The following TRIO variants were observed in gnomAD, a reference collection of about 807,000 sequenced individuals.
The protein encoded by TRIO is trio Rho guanine nucleotide exchange factor.
TRIO carries 58 observed loss-of-function variants against 351.9 expected under a neutral mutation model. The observed-to-expected ratio is 0.16, with a 90% CI of 0.13 to 0.21. The LOEUF (loss-of-function observed/expected upper bound fraction) is 0.21. TRIO is among the 10% of genes least tolerant of loss of function. The pLI is 1.00. For synonymous variants in TRIO, 1,758 were observed against 1,595.7 expected, an observed-to-expected ratio of 1.10 and a Z score of -2.42; for missense variants, 3,201 against 4,027.8, an observed-to-expected ratio of 0.79 and a Z score of 5.56.
At chr5:14,304,385 A>C in intron 7 of TRIO, 76 bp from the exon 8 acceptor site, 1 of 1,491,626 alleles carries the variant, frequency 6.7e-7, no homozygotes, top group South Asian at 1.3e-5. Context: ...CCTAATTTTC[A>C]AAACCATGTT....
rs768745173 is a variant in TRIO at position 14,366,984 on chromosome 5, G to A, written c.2874+5G>A. On this transcript the variant is annotated splice_donor_5th_base_variant and intron_variant, in intron 16 of 56. Coordinates refer to ENST00000344204, the MANE Select transcript of TRIO (RefSeq NM_007118.4). The stretch of plus-strand genomic sequence containing the variant: ...CAGTTCCAGCATGCCATTGAGGTAA[G>A]GGCGCTGGGCCTGCCTGTGTGTTGG... The A allele has an allele frequency of 2.5e-6, 4 of 1,613,996 alleles. No homozygotes were observed. In the Admixed American group the frequency reaches 6.7e-5, roughly 27 times the overall value.
intron 1 of TRIO, among the ~76,000 whole-genome samples, chr5:14,215,063 A>G (rs1426764919): frequency 1.3e-5 from 2 of 152,190 alleles, no homozygotes; most frequent in Non-Finnish European, 2.9e-5. Context: ...AAAGGAGGCT[A>G]GACTGTCTAG....
chr5:14,311,708 G>A (rs1445181146), intron 8 of TRIO, among the ~76,000 whole-genome samples: 3 of 152,220 alleles, frequency 2.0e-5, no homozygotes, highest in African/African-American at 4.8e-5. Context: ...TTGGAGAGGA[G>A]AGTGAAATCA....
chr5:14,220,799 G>A (rs142512298), intron 1 of TRIO, among the ~76,000 whole-genome samples: 5 of 152,324 alleles, frequency 3.3e-5, no homozygotes, highest in African/African-American at 1.2e-4. Flanking sequence ...GTTAAATCCT[G>A]AGATTGAAGG....
rs946869811 is a variant in TRIO at position 14,254,933 on chromosome 5, T to C, written c.158-15892T>C. 8.5e-5 allele frequency among the ~76,000 whole-genome samples: 13 copies of C among 152,334 alleles called. No homozygotes were observed. The East Asian group carries it at 2.3e-3, about 27-fold the overall frequency. On this transcript the variant is annotated intron_variant, in intron 1 of 56. Transcript: ENST00000344204. The stretch of plus-strand genomic sequence containing the variant: ...GGGAGGAACTATTAGAGGAATTCAG[T>C]TGAGACATAAATAGAAAGGGAAACA...
Position 14,407,894 on chromosome 5 carries a change from A to G in TRIO, c.4959+1222A>G, listed in dbSNP as rs576158680. On this transcript the variant is annotated intron_variant, in intron 33 of 56. Transcript: ENST00000344204. ...TGCCAAGACTAGTGTGTTCTGTTAC[A>G]TTACTAGAATGCTAGACTGAATTCT... Among the ~76,000 whole-genome samples the G allele has an allele frequency of 3.9e-5, 6 of 152,358 alleles. No individual in the cohort carries two copies. The South Asian group carries it at 1.2e-3, about 32-fold the overall frequency.
At chr5:14,309,808 T>C (rs1052142045) in intron 8 of TRIO, among the ~76,000 whole-genome samples, 1 of 152,358 alleles carries the variant, frequency 6.6e-6, no homozygotes, top group Non-Finnish European at 1.5e-5. Context: ...TTGCTTTTTT[T>C]TATTTCCTTT....
At chr5:14,440,649 G>A (rs1316462384) in intron 34 of TRIO, among the ~76,000 whole-genome samples, 1 of 152,162 alleles carries the variant, frequency 6.6e-6, no homozygotes, top group African/African-American at 2.4e-5. Flanking sequence ...AGTGAGGAGC[G>A]GCATTACAGC....
Position 14,480,601 on chromosome 5 carries a change from T to TTTTA in TRIO, c.6336+590_6336+591insTTTA, listed in dbSNP as rs559192246. On this transcript the variant is annotated intron_variant, in intron 43 of 56. Transcript: ENST00000344204. ...GGCAGAGTCACGTGTTTTTCTGTGATAAAAGAGACTTCAAGTGTATTGATA... is the reference window on the plus strand; with the variant it reads ...GGCAGAGTCACGTGTTTTTCTGTGATTTTAAAAAGAGACTTCAAGTGTATTGATA... Among the ~76,000 whole-genome samples the TTTTA allele has an allele frequency of 1.2e-4, 18 of 152,338 alleles. No individual in the cohort carries two copies. In the East Asian group the frequency reaches 3.1e-3, roughly 26 times the overall value.
At chr5:14,364,615 A>G in intron 14 of TRIO, 35 bp from the exon 15 acceptor site, 1 of 1,578,498 alleles carries the variant, frequency 6.3e-7, no homozygotes, top group Middle Eastern at 1.7e-4. Context: ...TTGAAGTGCT[A>G]GCTGAATTCT....
intron 1 of TRIO, among the ~76,000 whole-genome samples, chr5:14,239,912 C>A (rs1794025258): frequency 1.3e-5 from 2 of 152,174 alleles, no homozygotes; most frequent in African/African-American, 2.4e-5. Context: ...CGGGAGGGAA[C>A]TGCCATGGGA....
intron 11 of TRIO, among the ~76,000 whole-genome samples, chr5:14,352,910 G>C (rs1358201926): frequency 6.6e-6 from 1 of 151,832 alleles, no homozygotes; most frequent in Non-Finnish European, 1.5e-5. Flanking sequence ...TTAACTACCA[G>C]GTGGAAGGGA....
At position 14,364,378 on chromosome 5, in the gene TRIO, C is replaced by CA. The variant is rs113176817; in HGVS notation, c.2588-264dup. ...AAACTGCAAGTAATGAGGATAACAA[C>CA]AAAAAAAACCCTGAAATTCGCTCAT... On this transcript the variant is annotated intron_variant, in intron 14 of 56. Coordinates refer to ENST00000344204, the MANE Select transcript of TRIO (RefSeq NM_007118.4). Among the ~76,000 whole-genome samples the CA allele has an allele frequency of 0.091, 13,751 of 151,930 alleles. 928 individuals carry two copies. The highest frequency in any genetic ancestry group is 0.19 in the African/African-American group (7,918 of 41,430).
intron 10 of TRIO, among the ~76,000 whole-genome samples, 162 bp from the exon 11 acceptor site, chr5:14,336,362 GGAATTCTGCATA>G (rs1741416900): frequency 1.3e-5 from 2 of 152,090 alleles, no homozygotes; most frequent in South Asian, 4.1e-4. Context: ...CAGCGGGAAA[GGAATTCTGCATA>G]GAATTCCCAA....
At chr5:14,486,352 C>T (rs890550574) in intron 47 of TRIO, among the ~76,000 whole-genome samples, 1 of 152,234 alleles carries the variant, frequency 6.6e-6, no homozygotes, top group Non-Finnish European at 1.5e-5. Flanking sequence ...AACATAGGCA[C>T]TCAGTGAAAA....
intron 54 of TRIO, among the ~76,000 whole-genome samples, chr5:14,503,762 C>G (rs1193609035): frequency 6.6e-6 from 1 of 152,222 alleles, no homozygotes; most frequent in African/African-American, 2.4e-5. Context: ...GGCCTTTAAC[C>G]ACACAGTCTG....
At chr5:14,358,489 A>G (rs749695040) in intron 12 of TRIO, 142 bp downstream of exon 12, 180 of 870,578 alleles carry the variant, frequency 2.1e-4, no homozygotes, top group Admixed American at 3.0e-4. Flanking sequence ...AAGGCAAAGG[A>G]GAGAGAAACG....
At chr5:14,498,758 C>A in intron 53 of TRIO, 118 bp downstream of exon 53, 1 of 1,462,160 alleles carries the variant, frequency 6.8e-7, no homozygotes. Flanking sequence ...AACAATAAGT[C>A]ATTTGTGGGG....
At chr5:14,218,317 A>G (rs1265660521) in intron 1 of TRIO, among the ~76,000 whole-genome samples, 1 of 152,172 alleles carries the variant, frequency 6.6e-6, no homozygotes, top group African/African-American at 2.4e-5. Flanking sequence ...TTGCTAAAGT[A>G]ATTTTCTTAG....
Sources: allele counts gnomAD v4.1 joint callset (sites outside exome capture counted in the v4.1 genomes callset), GRCh38; gene constraint gnomAD v4.1.1; transcripts MANE v1.5; gene names NCBI Gene and HGNC (gene_info 2026-07-23, HGNC 2026-07-21).